The following ACTR3B variants were observed in gnomAD, a reference collection of about 807,000 sequenced individuals.
ACTR3B encodes the protein actin related protein 3B.
In ACTR3B, 8 loss-of-function variants were observed where a neutral mutation model predicts 59.0. The ratio of observed to expected loss-of-function variants is 0.14; its 90% CI spans 0.08 to 0.24. ACTR3B has a LOEUF of 0.24. Among genes scored for constraint, ACTR3B ranks in the 10% least tolerant of loss-of-function variants. The pLI is 1.00. For synonymous variants in ACTR3B, 148 were observed against 197.9 expected (o/e 0.75, Z 2.12); for missense variants, 245 against 552.3 (o/e 0.44, Z 5.58).
At chr7:152,843,968 T>G (rs998987387) in intron 9 of ACTR3B, among the ~76,000 whole-genome samples, 12 of 152,304 alleles carry the variant, frequency 7.9e-5, no homozygotes, top group African/African-American at 2.9e-4. Context: ...ATGCAAACGA[T>G]AAATAAAAAC....
chr7:152,787,663 A>G (rs1248008323), intron 2 of ACTR3B, among the ~76,000 whole-genome samples: 2 of 152,082 alleles, frequency 1.3e-5, no homozygotes, highest in Non-Finnish European at 2.9e-5. Context: ...CCCATTTGGC[A>G]CACCTCTTTG....
Position 152,854,352 on chromosome 7 carries a change from G to C in ACTR3B, c.1162-106G>C. ...ATCTTGCAGCAGCGGTCCTGGGAGG[G>C]AGGGTGGAGGCCGGGATGAGGAGAG... On this transcript the variant is annotated intron_variant, in intron 11 of 11. Transcript: ENST00000256001. This position sits in a 1 kb window ranked among gnomAD's most constrained non-coding sequence, Gnocchi z 4.9. 2.1e-6 allele frequency: 2 copies of C among 956,298 alleles called. No individual in the cohort carries two copies. Among genetic ancestry groups the C allele is most frequent in the Non-Finnish European group, 3.4e-6 (2 of 595,478 alleles). The allele number at this position is 956,298 out of a possible 1,614,324, so 59.2% of individuals were successfully genotyped here.
intron 1 of ACTR3B, among the ~76,000 whole-genome samples, chr7:152,782,229 C>A (rs2098156380): frequency 6.8e-6 from 1 of 147,880 alleles, no homozygotes; most frequent in African/African-American, 2.5e-5. Context: ...TTCAACACTG[C>A]TGGTGTTAGC....
At chr7:152,800,786 G>T (rs1472601805) in intron 3 of ACTR3B, 131 bp downstream of exon 3, 16 of 1,206,170 alleles carry the variant, frequency 1.3e-5, no homozygotes, top group Admixed American at 2.6e-5. Context: ...TTGAATAGAG[G>T]TGGTGGTGAT....
In ACTR3B at chr7:152,828,580, C is replaced by T. The variant is rs564883319; in HGVS notation, c.951+3458C>T. Among the ~76,000 whole-genome samples the T allele has an allele frequency of 1.4e-4, 22 of 152,288 alleles. No homozygotes were observed. In the East Asian group the frequency reaches 4.1e-3, roughly 28 times the overall value. On this transcript the variant is annotated intron_variant, in intron 9 of 11. Transcript: ENST00000256001. Reference sequence around the variant, plus strand: ...GGTTTTTAAAAATAATTCTAAAACACTGTTCTGGTTAGAAGACATGCTGCA... The same window carrying T: ...GGTTTTTAAAAATAATTCTAAAACATTGTTCTGGTTAGAAGACATGCTGCA...
intron 9 of ACTR3B, among the ~76,000 whole-genome samples, chr7:152,846,135 G>C (rs541069169): frequency 3.9e-5 from 6 of 151,954 alleles, no homozygotes; most frequent in Non-Finnish European, 5.9e-5. Flanking sequence ...AGTCTGCAGT[G>C]AGCTCTAGTG....
intron 1 of ACTR3B, among the ~76,000 whole-genome samples, chr7:152,764,090 C>G (rs942421220): frequency 5.9e-5 from 9 of 151,808 alleles, no homozygotes; most frequent in Non-Finnish European, 7.4e-5. Context: ...ACTACAACCT[C>G]TGCCTCCCGG....
At chr7:152,838,700 A>G (rs1056772936) in intron 9 of ACTR3B, among the ~76,000 whole-genome samples, 1 of 152,240 alleles carries the variant, frequency 6.6e-6, no homozygotes, top group Non-Finnish European at 1.5e-5. Flanking sequence ...AAAAAGTAGT[A>G]ATGCTTCCTC....
At chr7:152,789,460 GT>G (rs1465393464) in intron 2 of ACTR3B, among the ~76,000 whole-genome samples, 1 of 150,652 alleles carries the variant, frequency 6.6e-6, no homozygotes, top group Non-Finnish European at 1.5e-5. Flanking sequence ...GTACCTTTAA[GT>G]TTTCGTTGCT....
At chr7:152,838,806 C>G (rs1166558542) in intron 9 of ACTR3B, among the ~76,000 whole-genome samples, 1 of 152,178 alleles carries the variant, frequency 6.6e-6, no homozygotes, top group East Asian at 1.9e-4. Flanking sequence ...GATTGGCCCT[C>G]AAGGCCAGGG....
chr7:152,776,751 T>G (rs1368450082), intron 1 of ACTR3B, among the ~76,000 whole-genome samples: 1 of 152,270 alleles, frequency 6.6e-6, no homozygotes, highest in Non-Finnish European at 1.5e-5. Flanking sequence ...GGGATTAATT[T>G]ACTTGCCTGA....
intron 7 of ACTR3B, among the ~76,000 whole-genome samples, chr7:152,820,685 G>C (rs376379167): frequency 7.9e-5 from 12 of 152,356 alleles, no homozygotes; most frequent in East Asian, 3.9e-4. Context: ...GCGTACCAGC[G>C]TGCAGAGGCA....
At chr7:152,791,525 C>T (rs1362697992) in intron 2 of ACTR3B, among the ~76,000 whole-genome samples, 2 of 152,218 alleles carry the variant, frequency 1.3e-5, no homozygotes, top group African/African-American at 4.8e-5. Context: ...AATTGTAGTG[C>T]AATATTATAA....
intron 1 of ACTR3B, among the ~76,000 whole-genome samples, chr7:152,771,373 A>C (rs530622414): frequency 2.0e-4 from 31 of 152,392 alleles, no homozygotes; most frequent in African/African-American, 7.5e-4. Context: ...GAGGACATGG[A>C]GGTCAGCTGA....
rs552078487 is a variant in ACTR3B, at chr7:152,796,447, A to G, written c.101-4084A>G. Among the ~76,000 whole-genome samples the G allele has an allele frequency of 4.6e-4, 67 of 145,632 alleles. 1 individual carries two copies. Among genetic ancestry groups the G allele is most frequent in the African/African-American group, 1.6e-3 (67 of 40,724 alleles). ...GTATAGATAATATTGTTTATTGAGT[A>G]CTATTCTCTACCACAGTCTCTGCTA... On this transcript the variant is annotated intron_variant, in intron 2 of 11. Transcript: ENST00000256001.
At chr7:152,850,980 C>A (rs1343501575) in intron 9 of ACTR3B, among the ~76,000 whole-genome samples, 1 of 152,178 alleles carries the variant, frequency 6.6e-6, no homozygotes, top group Non-Finnish European at 1.5e-5. Flanking sequence ...ATGTAGTTTT[C>A]ACATAAGGTG....
chr7:152,853,650 C>T (rs778735477), intron 11 of ACTR3B, 73 bp downstream of exon 11: 47 of 1,333,716 alleles, frequency 3.5e-5, no homozygotes, highest in African/African-American at 8.7e-5. Flanking sequence ...ATACTGTCTA[C>T]GAAGGTGAAA....
intron 2 of ACTR3B, among the ~76,000 whole-genome samples, chr7:152,795,999 A>C (rs2098215318): frequency 1.3e-5 from 2 of 151,978 alleles, no homozygotes; most frequent in Non-Finnish European, 2.9e-5. Context: ...GCCCGCCCCC[A>C]TGCCTGGCTA....
At chr7:152,807,176 A>G (rs1011978436) in intron 4 of ACTR3B, among the ~76,000 whole-genome samples, 8 of 152,236 alleles carry the variant, frequency 5.3e-5, no homozygotes, top group Non-Finnish European at 8.8e-5. Flanking sequence ...AACACTTCAC[A>G]TAGAGATCAT....
Sources: allele counts gnomAD v4.1 joint callset (sites outside exome capture counted in the v4.1 genomes callset), GRCh38; gene constraint gnomAD v4.1.1; non-coding constraint Gnocchi (gnomAD v3.1); transcripts MANE v1.5; gene names NCBI Gene and HGNC (gene_info 2026-07-23, HGNC 2026-07-21).